The following CDH4 variants were observed in gnomAD, a reference collection of about 807,000 sequenced individuals.
CDH4 encodes the protein cadherin-4.
Under a neutral mutation model 86.0 loss-of-function variants are expected in CDH4, and 33 were observed. The observed-to-expected ratio is 0.38, with a 90% CI of 0.29 to 0.51. CDH4 has a LOEUF of 0.51. Ranked by LOEUF, CDH4 falls within the 20% of genes least tolerant of loss-of-function variation. The probability of loss-of-function intolerance (pLI) is 0.86; values close to 1 mark genes in which losing one functional copy is unlikely to be tolerated. For synonymous variants in CDH4, 555 were observed against 549.4 expected (o/e 1.01, Z -0.14); for missense variants, 1,114 against 1,307.4 (o/e 0.85, Z 2.28).
chr20:61,312,480 A>T (rs1403653227), intron 2 of CDH4, among the ~76,000 whole-genome samples: 2 of 152,092 alleles, frequency 1.3e-5, no homozygotes, highest in Non-Finnish European at 2.9e-5. Flanking sequence ...AGGCAGAGTG[A>T]GGAGCCGCCA....
chr20:61,432,325 T>C (rs1365182527), intron 2 of CDH4, among the ~76,000 whole-genome samples: 1 of 152,148 alleles, frequency 6.6e-6, no homozygotes, highest in Admixed American at 6.5e-5. Flanking sequence ...ATTATGGCCA[T>C]TCTAGTGAGT....
At chr20:61,414,716 C>T (rs1038289045) in intron 2 of CDH4, among the ~76,000 whole-genome samples, 5 of 152,196 alleles carry the variant, frequency 3.3e-5, no homozygotes, top group Non-Finnish European at 7.3e-5. Context: ...AATGTCACCT[C>T]TCAGAATCAG....
At chr20:61,268,959 C>T (rs2084170263) in intron 2 of CDH4, among the ~76,000 whole-genome samples, 1 of 152,110 alleles carries the variant, frequency 6.6e-6, no homozygotes. Flanking sequence ...GTGGGGACAG[C>T]CGCTGGTGTT....
At chr20:61,349,731 G>A (rs966803078) in intron 2 of CDH4, among the ~76,000 whole-genome samples, 19 of 152,162 alleles carry the variant, frequency 1.2e-4, no homozygotes, top group Non-Finnish European at 2.6e-4. Context: ...TCGTGGAGAC[G>A]GCTCTCAGGG....
chr20:61,608,676 C>T (rs143995693), intron 2 of CDH4, among the ~76,000 whole-genome samples: 9 of 152,354 alleles, frequency 5.9e-5, no homozygotes, highest in South Asian at 2.1e-4. Context: ...GCATGTTGGA[C>T]GCTGTGCTCT....
intron 2 of CDH4, among the ~76,000 whole-genome samples, chr20:61,639,643 C>T (rs897365336): frequency 7.9e-5 from 12 of 152,178 alleles, no homozygotes; most frequent in East Asian, 1.9e-4. Flanking sequence ...TGCCTGCACA[C>T]GGGCCCTGAC....
intron 2 of CDH4, among the ~76,000 whole-genome samples, chr20:61,627,084 G>A (rs1382938102): frequency 1.3e-5 from 2 of 151,992 alleles, no homozygotes; most frequent in Non-Finnish European, 2.9e-5. Flanking sequence ...GGGTGGGTGG[G>A]TGCTGAGAAA....
intron 2 of CDH4, among the ~76,000 whole-genome samples, chr20:61,631,521 T>A (rs1439343538): frequency 6.6e-6 from 1 of 152,204 alleles, no homozygotes; most frequent in East Asian, 1.9e-4. Flanking sequence ...GGCATGTGCC[T>A]ATAATCCCAG....
intron 5 of CDH4, among the ~76,000 whole-genome samples, chr20:61,849,704 T>C (rs1043131135): frequency 6.6e-6 from 1 of 152,208 alleles, no homozygotes; most frequent in Non-Finnish European, 1.5e-5. Context: ...GGCACCTGCA[T>C]GCCTCGGCAC....
intron 3 of CDH4, among the ~76,000 whole-genome samples, chr20:61,752,622 C>T (rs1438824832): frequency 6.6e-6 from 1 of 152,210 alleles, no homozygotes; most frequent in Non-Finnish European, 1.5e-5. Flanking sequence ...AAACAACACA[C>T]ATGCCCTCAC....
At chr20:61,819,411 G>A (rs892052469) in intron 4 of CDH4, among the ~76,000 whole-genome samples, 6 of 151,242 alleles carry the variant, frequency 4.0e-5, no homozygotes, top group Non-Finnish European at 7.4e-5. Context: ...GCATTCGCTC[G>A]CTCTGCCCCG....
chr20:61,699,329 G>A (rs1422229135), intron 2 of CDH4, among the ~76,000 whole-genome samples: 3 of 152,120 alleles, frequency 2.0e-5, no homozygotes, highest in Non-Finnish European at 2.9e-5. Flanking sequence ...CACCTCGAAC[G>A]CCCCCAGTCA....
chr20:61,486,235 A>T (rs2085595871), intron 2 of CDH4, among the ~76,000 whole-genome samples: 1 of 152,262 alleles, frequency 6.6e-6, no homozygotes, highest in African/African-American at 2.4e-5. Flanking sequence ...AAACCTGCAC[A>T]GTTCTACAAA....
At chr20:61,771,010 CTTT>C (rs756131628) in intron 3 of CDH4, among the ~76,000 whole-genome samples, 4 of 130,362 alleles carry the variant, frequency 3.1e-5, no homozygotes, top group Admixed American at 7.7e-5. Flanking sequence ...TTCTTTTTTT[CTTT>C]TTTTTTTTTT....
At position 61,829,704 on chromosome 20, in the gene CDH4, C is replaced by A. The variant is rs1169596888; in HGVS notation, c.577-14964C>A. Among the ~76,000 whole-genome samples, 1 of 152,158 alleles carries A rather than the reference C, an allele frequency of 6.6e-6. No homozygotes were observed. Among genetic ancestry groups the A allele is most frequent in the African/African-American group, 2.4e-5 (1 of 41,434 alleles). On this transcript the variant is annotated intron_variant, in intron 4 of 15. Coordinates refer to ENST00000614565, the MANE Select transcript of CDH4 (RefSeq NM_001794.5). The surrounding 1 kb of genome is among the most constrained non-coding windows in gnomAD (Gnocchi z 4.2). ...ACTCCAGGAGCCCCCAGGAGGCTCC[C>A]TCTGTGCCGACGCCCGTGGGCTGCA...
At chr20:61,545,232 C>G (rs890225461) in intron 2 of CDH4, among the ~76,000 whole-genome samples, 1 of 152,246 alleles carries the variant, frequency 6.6e-6, no homozygotes, top group Non-Finnish European at 1.5e-5. Context: ...AAAGACCGAG[C>G]AGTTTTCTGT....
chr20:61,848,254 G>T (rs952594340), intron 5 of CDH4, among the ~76,000 whole-genome samples: 1 of 152,208 alleles, frequency 6.6e-6, no homozygotes, highest in African/African-American at 2.4e-5. Context: ...GAAGATGAGG[G>T]AGCCCAGGGC....
rs2086067204 is a variant in CDH4 at position 61,544,976 on chromosome 20, C to T, written c.170-198587C>T. On this transcript the variant is annotated intron_variant, in intron 2 of 15. Coordinates refer to ENST00000614565, the MANE Select transcript of CDH4 (RefSeq NM_001794.5). The surrounding 1 kb of genome is among the most constrained non-coding windows in gnomAD (Gnocchi z 6.5). ...GACAAGTAGGGTGACTAGCAAATGACCCTTGAGCAGCCCTACTGGGGCCCC... is the reference window on the plus strand; with the variant it reads ...GACAAGTAGGGTGACTAGCAAATGATCCTTGAGCAGCCCTACTGGGGCCCC... 6.6e-6 allele frequency among the ~76,000 whole-genome samples: 1 copy of T among 152,158 alleles called. No individual in the cohort carries two copies. The highest frequency in any genetic ancestry group is 1.5e-5 in the Non-Finnish European group (1 of 68,026).
intron 2 of CDH4, among the ~76,000 whole-genome samples, chr20:61,356,302 G>A (rs1401613751): frequency 6.6e-6 from 1 of 152,174 alleles, no homozygotes; most frequent in African/African-American, 2.4e-5. Flanking sequence ...TGTCATCGCA[G>A]CACCACATCC....
Sources: gnomAD v4.1 joint callset for allele counts (sites outside exome capture counted in the v4.1 genomes callset) on GRCh38, gnomAD v4.1.1 for gene constraint, Gnocchi (gnomAD v3.1) non-coding constraint, MANE v1.5 for transcripts, NCBI Gene and HGNC (gene_info 2026-07-23, HGNC 2026-07-21) for gene names.